The following UST variants were observed in gnomAD, a reference collection of about 807,000 sequenced individuals.
UST encodes uronyl 2-sulfotransferase.
A neutral mutation model predicts 45.6 loss-of-function variants in UST; 21 were observed. The ratio of observed to expected loss-of-function variants is 0.46; its 90% CI spans 0.33 to 0.66. The LOEUF is 0.66. UST is among the 30% of genes least tolerant of loss of function. The probability of loss-of-function intolerance (pLI) is 0.02; values close to 1 mark genes in which losing one functional copy is unlikely to be tolerated. For synonymous variants in UST, 215 were observed against 200.6 expected (o/e 1.07, Z -0.61); for missense variants, 463 against 512.4 (o/e 0.90, Z 0.93).
chr6:148,820,403 C>T (rs1272548532), intron 1 of UST, among the ~76,000 whole-genome samples: 2 of 152,060 alleles, frequency 1.3e-5, no homozygotes, highest in African/African-American at 4.8e-5. Context: ...GACACAGTGC[C>T]TCATTTACCT....
At chr6:148,888,671 G>A (rs1194412610) in intron 2 of UST, among the ~76,000 whole-genome samples, 1 of 152,144 alleles carries the variant, frequency 6.6e-6, no homozygotes, top group Non-Finnish European at 1.5e-5. Flanking sequence ...GCTGTTAACT[G>A]TACTGCAGTA....
chr6:148,998,507 A>G (rs779831198), intron 5 of UST, among the ~76,000 whole-genome samples: 1 of 152,228 alleles, frequency 6.6e-6, no homozygotes, highest in Non-Finnish European at 1.5e-5. Flanking sequence ...AAAAGTTAAA[A>G]TATATTTCCA....
rs146417490 is a variant in UST at position 149,021,252 on chromosome 6, G to T, written c.780-72G>T. The T allele has an allele frequency of 6.0e-5, 90 of 1,495,174 alleles. No individual in the cohort carries two copies. In the African/African-American group the frequency reaches 1.0e-3, roughly 17 times the overall value. 92.6% of individuals were successfully genotyped at this position (1,495,174 alleles called of 1,614,324 possible). ...CAAGTGAAGGTGGGAGGTAGAGGGGGTAAACTCTCAGCATCTTGCTGCATT... is the reference window on the plus strand; with the variant it reads ...CAAGTGAAGGTGGGAGGTAGAGGGGTTAAACTCTCAGCATCTTGCTGCATT... On this transcript the variant is annotated intron_variant, in intron 6 of 7. Coordinates refer to ENST00000367463, the MANE Select transcript of UST (RefSeq NM_005715.3).
At chr6:148,928,241 T>C (rs1317842281) in intron 2 of UST, among the ~76,000 whole-genome samples, 1 of 152,262 alleles carries the variant, frequency 6.6e-6, no homozygotes, top group African/African-American at 2.4e-5. Context: ...CTTCATTTGT[T>C]TCTTTAACTA....
intron 1 of UST, among the ~76,000 whole-genome samples, chr6:148,860,120 T>C (rs201866467): frequency 3.5e-4 from 54 of 152,306 alleles, no homozygotes; most frequent in Non-Finnish European, 1.5e-5. Flanking sequence ...ATTCTTCCTA[T>C]CCATGAGCAT....
chr6:148,757,529 G>A (rs1386990310), intron 1 of UST, among the ~76,000 whole-genome samples: 2 of 152,154 alleles, frequency 1.3e-5, no homozygotes, highest in Non-Finnish European at 2.9e-5. Flanking sequence ...ACTGCAACAC[G>A]ACCATACTGT....
intron 1 of UST, among the ~76,000 whole-genome samples, chr6:148,804,558 C>G (rs1777112431): frequency 6.6e-6 from 1 of 152,164 alleles, no homozygotes; most frequent in Non-Finnish European, 1.5e-5. Flanking sequence ...GCCATCCTTA[C>G]ATTTCCTCCC....
At chr6:148,834,963 A>G (rs181867810) in intron 1 of UST, among the ~76,000 whole-genome samples, 2 of 152,310 alleles carry the variant, frequency 1.3e-5, no homozygotes, top group Admixed American at 1.3e-4. Flanking sequence ...CTTTAAGGCA[A>G]TATGTTGCTA....
chr6:149,009,841 A>G (rs1775775493), intron 5 of UST, among the ~76,000 whole-genome samples: 2 of 150,982 alleles, frequency 1.3e-5, no homozygotes, highest in African/African-American at 2.4e-5. Flanking sequence ...TTTGACATGT[A>G]CATATTACTT....
intron 7 of UST, among the ~76,000 whole-genome samples, chr6:149,043,025 C>CTTTTTCTT (rs1212013357): frequency 2.7e-4 from 27 of 101,346 alleles, no homozygotes; most frequent in African/African-American, 1.0e-3. Flanking sequence ...CTTTCTTTTT[C>CTTTTTCTT]TTTCTTTCTT....
At chr6:149,055,295 G>A (rs1776546587) in intron 7 of UST, among the ~76,000 whole-genome samples, 1 of 152,130 alleles carries the variant, frequency 6.6e-6, no homozygotes, top group Admixed American at 6.5e-5. Context: ...ATATCAAAAT[G>A]AGATTTTAAA....
At chr6:148,937,306 G>A (rs1041215358) in intron 2 of UST, among the ~76,000 whole-genome samples, 5 of 152,088 alleles carry the variant, frequency 3.3e-5, no homozygotes, top group African/African-American at 9.7e-5. Context: ...TAGAAGTACC[G>A]TCACTGTGAG....
At chr6:148,909,519 A>G (rs1386298349) in intron 2 of UST, among the ~76,000 whole-genome samples, 4 of 152,210 alleles carry the variant, frequency 2.6e-5, no homozygotes, top group African/African-American at 7.2e-5. Context: ...TTGTATTCCA[A>G]TTGCAGGCAC....
At chr6:148,755,626 C>T (rs2114648079) in intron 1 of UST, among the ~76,000 whole-genome samples, 1 of 150,752 alleles carries the variant, frequency 6.6e-6, no homozygotes, top group Admixed American at 6.6e-5. Context: ...AGTGAGTTCT[C>T]ATGAGATCTG....
chr6:149,029,947 C>T (rs1776115386), intron 7 of UST, among the ~76,000 whole-genome samples: 1 of 148,928 alleles, frequency 6.7e-6, no homozygotes, highest in African/African-American at 2.5e-5. Flanking sequence ...AACTAGACTC[C>T]TTATTATATA....
chr6:149,049,821 T>A (rs1441576951), intron 7 of UST, among the ~76,000 whole-genome samples: 1 of 152,176 alleles, frequency 6.6e-6, no homozygotes, highest in East Asian at 1.9e-4. Flanking sequence ...CTCTCTAAGA[T>A]ATCTAACCTC....
rs1253059765 is a variant in UST, at chr6:149,076,092, A to C, written c.*1976A>C. On this transcript the variant is annotated 3_prime_UTR_variant, in exon 8 of 8. Transcript: ENST00000367463. Reference sequence around the variant, plus strand: ...CGCTCATGGGCCTTCTTTCTGCCTCAGAGGACGGGGGCAGAGAAGTGATGA... The same window carrying C: ...CGCTCATGGGCCTTCTTTCTGCCTCCGAGGACGGGGGCAGAGAAGTGATGA... 1 of 152,718 alleles carries C rather than the reference A, an allele frequency of 6.5e-6. No homozygotes were observed. Among genetic ancestry groups the C allele is most frequent in the South Asian group, 2.1e-4 (1 of 4,834 alleles). The allele number at this position is 152,718 out of a possible 1,614,324, so 9.5% of individuals were successfully genotyped here.
intron 5 of UST, among the ~76,000 whole-genome samples, chr6:149,007,476 T>C (rs1775736435): frequency 6.6e-6 from 1 of 150,968 alleles, no homozygotes; most frequent in Non-Finnish European, 1.5e-5. Flanking sequence ...TTTTTTTTTT[T>C]TTTTTAGTAG....
Position 148,748,031 on chromosome 6 carries a change from G to A in UST, c.247+354G>A, listed in dbSNP as rs1205176954. Among the ~76,000 whole-genome samples the A allele has an allele frequency of 1.3e-5, 2 of 152,192 alleles. No individual in the cohort carries two copies. Among genetic ancestry groups the A allele is most frequent in the African/African-American group, 2.4e-5 (1 of 41,454 alleles). On this transcript the variant is annotated intron_variant, in intron 1 of 7. Transcript: ENST00000367463. This position sits in a 1 kb window ranked among gnomAD's most constrained non-coding sequence, Gnocchi z 5.3. ...GAGTGTGTGTATCTTCAGGCCTGGC[G>A]GCGCGGGGAGTGGCGAAGGGAAGGG...
Sources: gnomAD v4.1 joint callset for allele counts (sites outside exome capture counted in the v4.1 genomes callset) on GRCh38, gnomAD v4.1.1 for gene constraint, Gnocchi (gnomAD v3.1) non-coding constraint, MANE v1.5 for transcripts, NCBI Gene and HGNC (gene_info 2026-07-23, HGNC 2026-07-21) for gene names.